The following TMCO5A variants were observed in gnomAD, a reference collection of about 807,000 sequenced individuals.
TMCO5A encodes the protein transmembrane and coiled-coil domain-containing protein 5A.
TMCO5A carries 34 observed loss-of-function variants against 42.3 expected under a neutral mutation model. That is an observed-to-expected ratio of 0.80 (90% CI 0.61 to 1.07). The LOEUF (loss-of-function observed/expected upper bound fraction) is 1.07. Among genes scored for constraint, TMCO5A ranks in the 50% least tolerant of loss-of-function variants. The pLI is 0.00. For synonymous variants in TMCO5A, 131 were observed against 115.6 expected (o/e 1.13, Z -0.86); for missense variants, 357 against 327.9 (o/e 1.09, Z -0.69).
chr15:38,029,359 T>C, the TMCO5A span, among the ~76,000 whole-genome samples: 1 of 124,488 alleles, frequency 8.0e-6, no homozygotes, highest in African/African-American at 3.2e-5. Context: ...CATGTGTGCA[T>C]GAATACACCA....
At chr15:37,981,869 C>A in the TMCO5A span, among the ~76,000 whole-genome samples, 1 of 152,202 alleles carries the variant, frequency 6.6e-6, no homozygotes, top group Non-Finnish European at 1.5e-5. Flanking sequence ...ATGCCAGCAG[C>A]TGGCCTTCCC....
intron 11 of TMCO5A, among the ~76,000 whole-genome samples, chr15:37,966,019 A>G (rs904972456): frequency 1.6e-4 from 24 of 152,202 alleles, no homozygotes; most frequent in African/African-American, 4.8e-4. Flanking sequence ...GCCCATCAAC[A>G]GATGAATGAA....
intron 10 of TMCO5A, chr15:37,943,699 G>T (rs781463022): frequency 3.1e-6 from 1 of 324,074 alleles, no homozygotes; most frequent in Non-Finnish European, 5.8e-6. Flanking sequence ...TCTATAGAAA[G>T]AGGCCAATAT....
chr15:37,974,188 T>C, the TMCO5A span, among the ~76,000 whole-genome samples: 2 of 152,162 alleles, frequency 1.3e-5, no homozygotes, highest in Non-Finnish European at 2.9e-5. Context: ...GAATTTTGCA[T>C]CTATGTTTAT....
the TMCO5A span, among the ~76,000 whole-genome samples, chr15:38,004,391 C>G: frequency 6.6e-6 from 1 of 152,200 alleles, no homozygotes. Flanking sequence ...CCTGGCCACC[C>G]CATCTGGTCA....
chr15:37,998,854 G>GACAA, the TMCO5A span, among the ~76,000 whole-genome samples: 1 of 151,970 alleles, frequency 6.6e-6, no homozygotes, highest in Admixed American at 6.6e-5. Context: ...CCATTTTGTT[G>GACAA]TGTCCTCTTC....
At chr15:37,994,282 G>C in the TMCO5A span, among the ~76,000 whole-genome samples, 255 of 152,174 alleles carry the variant, frequency 1.7e-3, no homozygotes, top group African/African-American at 6.0e-3. Flanking sequence ...GATTAAAACA[G>C]TGTTCAATAA....
chr15:37,951,045 CTG>C lies in TMCO5A; in HGVS notation c.680_681del (p.Cys227SerfsTer54), dbSNP rs2140287807. On this transcript the variant is annotated frameshift_variant, in exon 12 of 12. Transcript: ENST00000319669. LOFTEE classifies it high-confidence loss of function. ...ARLFSKKIFC[C>X]LFFITLFFIR... ...GGCATTCTCTTTTTAGGATTTTTTG[CTG>C]TCTCTTTTTCATCACCCTATTTTTC... is the stretch of plus-strand genomic sequence containing the variant. 6.2e-7 allele frequency: 1 copy of C among 1,610,686 alleles called. No individual in the cohort carries two copies. The highest frequency in any genetic ancestry group is 8.5e-7 in the Non-Finnish European group (1 of 1,179,374).
the TMCO5A span, among the ~76,000 whole-genome samples, chr15:38,036,566 A>AT: frequency 6.6e-6 from 1 of 151,580 alleles, no homozygotes; most frequent in Non-Finnish European, 1.5e-5. Flanking sequence ...ACTTCTCACT[A>AT]TTCTCAAACC....
chr15:37,942,507 A>G (rs749921724), intron 9 of TMCO5A: 1 of 382,438 alleles, frequency 2.6e-6, no homozygotes, highest in Non-Finnish European at 4.7e-6. Context: ...TTATCACATT[A>G]TTATTCGGGT....
intron 11 of TMCO5A, among the ~76,000 whole-genome samples, chr15:37,962,270 C>T (rs550283474): frequency 4.6e-5 from 7 of 152,004 alleles, no homozygotes; most frequent in African/African-American, 9.6e-5. Flanking sequence ...TTTTGTCAAA[C>T]GCTTTTTCTT....
At chr15:37,987,544 A>G in the TMCO5A span, among the ~76,000 whole-genome samples, 1 of 151,944 alleles carries the variant, frequency 6.6e-6, no homozygotes, top group South Asian at 2.1e-4. Context: ...TTTGCATACG[A>G]TGTTATGTAA....
the TMCO5A span, among the ~76,000 whole-genome samples, chr15:38,015,615 C>T: frequency 6.6e-6 from 1 of 152,192 alleles, no homozygotes; most frequent in African/African-American, 2.4e-5. Flanking sequence ...ATGTTTGTCA[C>T]AGCATTATTC....
At position 37,962,337 on chromosome 15, in the gene TMCO5A, C is replaced by A. The variant is rs374227312; in HGVS notation, c.669-4288C>A. ...TTAATTCTGTTTATGTGGCATATAA[C>A]CTTTATTGACTTGTGTATATTAAAC... On this transcript the variant is annotated intron_variant, in intron 11 of 11. Coordinates refer to the TMCO5A transcript ENST00000559502. 3.9e-5 allele frequency among the ~76,000 whole-genome samples: 6 copies of A among 152,048 alleles called. No individual in the cohort carries two copies. The East Asian group carries it at 7.7e-4, about 20-fold the overall frequency.
Position 37,936,466 on chromosome 15 carries a change from G to C in TMCO5A, c.140+3G>C. The C allele has an allele frequency of 6.2e-7, 1 of 1,607,804 alleles. No homozygotes were observed. The highest frequency in any genetic ancestry group is 8.5e-7 in the Non-Finnish European group (1 of 1,178,174). On this transcript the variant is annotated splice_donor_region_variant and intron_variant, in intron 3 of 11. Transcript: ENST00000319669. ...GAGAGGGAAGATAAGATTCAGAGGT[G>C]AGTATTAAGGTTTCATGAGGGAAGT...
downstream of TMCO5A, among the ~76,000 whole-genome samples, chr15:37,954,953 A>G (rs1595603154): frequency 6.6e-6 from 1 of 152,032 alleles, no homozygotes; most frequent in African/African-American, 2.4e-5. Flanking sequence ...TGAATACACA[A>G]AAAAATGCAA....
chr15:37,941,214 A>G lies in TMCO5A; in HGVS notation c.444+9A>G, dbSNP rs1381545604. The stretch of plus-strand genomic sequence containing the variant: ...AGAAGGAGCTGCTCAAGGTAACAGC[A>G]GGAACTTCAATGTGACTTCTCCCCA... On this transcript the variant is annotated intron_variant, in intron 7 of 11. Coordinates refer to ENST00000319669, the MANE Select transcript of TMCO5A (RefSeq NM_152453.4). 5.6e-6 allele frequency: 9 copies of G among 1,612,644 alleles called. No homozygotes were observed. Among genetic ancestry groups the G allele is most frequent in the Non-Finnish European group, 7.6e-6 (9 of 1,179,272 alleles).
chr15:37,941,583 G>A, intron 7 of TMCO5A, 88 bp from the exon 8 acceptor site: 1 of 952,452 alleles, frequency 1.0e-6, no homozygotes, highest in Non-Finnish European at 1.7e-6. Flanking sequence ...ACCACATTTA[G>A]GACCTGGGAC....
At chr15:38,003,125 G>A in the TMCO5A span, among the ~76,000 whole-genome samples, 1 of 152,160 alleles carries the variant, frequency 6.6e-6, no homozygotes, top group African/African-American at 2.4e-5. Flanking sequence ...CAGGCTTGTA[G>A]AGGTACTTCC....
Sources: gnomAD v4.1 joint callset for allele counts (sites outside exome capture counted in the v4.1 genomes callset) on GRCh38, gnomAD v4.1.1 for gene constraint, MANE v1.5 for transcripts, NCBI Gene and HGNC (gene_info 2026-07-23, HGNC 2026-07-21) for gene names.